Variants in B4GALT1 observed in about 807,000 individuals in gnomAD.
B4GALT1 encodes beta-1,4-galactosyltransferase 1.
Under a neutral mutation model 34.9 loss-of-function variants are expected in B4GALT1, and 16 were observed. The observed-to-expected ratio is 0.46, with a 90% CI of 0.31 to 0.70. The LOEUF is 0.70. Among genes scored for constraint, B4GALT1 ranks in the 30% least tolerant of loss-of-function variants. The pLI is 0.05. For missense variants in B4GALT1, 445 were observed against 530.5 expected, an observed-to-expected ratio of 0.84 and a Z score of 1.58; for synonymous variants, 221 against 218.1, an observed-to-expected ratio of 1.01 and a Z score of -0.12.
At chr9:33,150,829 G>A (rs1386904718) in intron 1 of B4GALT1, among the ~76,000 whole-genome samples, 5 of 152,146 alleles carry the variant, frequency 3.3e-5, no homozygotes, top group African/African-American at 7.2e-5. Context: ...CTATAAATAC[G>A]TTAGAATAGT....
rs1015710299 is a variant in B4GALT1, at chr9:33,139,842, G to A, written c.413-4418C>T. The stretch of plus-strand genomic sequence containing the variant: ...GCGCCCTTGCTGTGCGGCGCATGGC[G>A]TGTGCTACCACAGGCTCTCGGCCCC... On this transcript the variant is annotated intron_variant, in intron 1 of 5. Coordinates refer to ENST00000379731, the MANE Select transcript of B4GALT1 (RefSeq NM_001497.4). Among the ~76,000 whole-genome samples, 4 of 152,380 alleles carry A rather than the reference G, an allele frequency of 2.6e-5. No individual in the cohort carries two copies. The South Asian group carries it at 6.2e-4, about 24-fold the overall frequency.
Position 33,166,903 on chromosome 9 carries a change from G to A in B4GALT1, c.267C>T (p.Gly89=), listed in dbSNP as rs756925826. The change falls in exon 1 of 6, where the codon GGC becomes GGT. Residue 89 remains glycine, a synonymous_variant. Transcript: ENST00000379731. Reference sequence around the variant, plus strand: ...CACCCGGGCGCGGCTGGGAGGAGGCGCCTAGAGGAGGCGGCGGCCGGGCCC... The same window carrying A: ...CACCCGGGCGCGGCTGGGAGGAGGCACCTAGAGGAGGCGGCGGCCGGGCCC... ...TGGARPPPPL[G]ASSQPRPGGD... 7.0e-6 allele frequency: 11 copies of A among 1,580,604 alleles called. No homozygotes were observed. Among genetic ancestry groups the A allele is most frequent in the African/African-American group, 4.0e-5 (3 of 74,490 alleles).
intron 1 of B4GALT1, among the ~76,000 whole-genome samples, chr9:33,139,732 G>C (rs1587740101): frequency 6.6e-6 from 1 of 152,384 alleles, no homozygotes; most frequent in East Asian, 1.9e-4. Context: ...CCAGGTTTCA[G>C]AGCCACTGCC....
chr9:33,171,830 C>G (rs769871172), upstream of B4GALT1, among the ~76,000 whole-genome samples: 9 of 152,174 alleles, frequency 5.9e-5, no homozygotes, highest in African/African-American at 9.7e-5. Flanking sequence ...GCTGAGATTA[C>G]CAGCATGAGC....
At chr9:33,130,861 TGAA>T (rs1035831511) in intron 2 of B4GALT1, among the ~76,000 whole-genome samples, 3 of 151,828 alleles carry the variant, frequency 2.0e-5, no homozygotes, top group Admixed American at 6.6e-5. Context: ...GTGGGAGCCA[TGAA>T]GAATTCACCA....
downstream of B4GALT1, among the ~76,000 whole-genome samples, chr9:33,108,442 G>A (rs1417649699): frequency 1.3e-5 from 1 of 76,072 alleles, no homozygotes; most frequent in East Asian, 4.0e-4. Context: ...TTGAAACTCT[G>A]TCTCTAAAAA....
intron 1 of B4GALT1, among the ~76,000 whole-genome samples, chr9:33,153,313 T>C (rs963759179): frequency 9.2e-5 from 14 of 151,936 alleles, no homozygotes; most frequent in Admixed American, 3.9e-4. Flanking sequence ...AACCTAACCT[T>C]CTACCTTAAG....
intron 2 of B4GALT1, among the ~76,000 whole-genome samples, chr9:33,122,516 AAAT>A (rs1840036163): frequency 1.4e-5 from 1 of 73,696 alleles, no homozygotes; most frequent in African/African-American, 5.3e-5. Context: ...TCAAAAAAAT[AAAT>A]AAATAAATAA....
chr9:33,179,813 T>C, the B4GALT1 span: 2 of 152,284 alleles, frequency 1.3e-5, no homozygotes, highest in African/African-American at 2.4e-5. Context: ...AGCTTAGATA[T>C]GTTAAGTGCA....
At chr9:33,173,305 T>C in the B4GALT1 span, among the ~76,000 whole-genome samples, 1 of 151,136 alleles carries the variant, frequency 6.6e-6, no homozygotes, top group African/African-American at 2.4e-5. Flanking sequence ...CTCGGGAGGC[T>C]GAGGCAGGAG....
chr9:33,126,660 G>GTTGAT, intron 2 of B4GALT1, among the ~76,000 whole-genome samples: 1 of 150,330 alleles, frequency 6.7e-6, no homozygotes, highest in Non-Finnish European at 1.5e-5. Context: ...GTTAACCATA[G>GTTGAT]CAATATGGTA....
At chr9:33,115,839 G>C in intron 4 of B4GALT1, 152 bp downstream of exon 4, 2 of 966,884 alleles carry the variant, frequency 2.1e-6, no homozygotes, top group Admixed American at 3.8e-5. Context: ...TTTAGCACCT[G>C]CAGGACCTGT....
intron 1 of B4GALT1, among the ~76,000 whole-genome samples, chr9:33,149,784 G>A (rs879896963): frequency 6.6e-6 from 1 of 152,126 alleles, no homozygotes; most frequent in Admixed American, 6.6e-5. Context: ...AATCTGATCA[G>A]GAGGAAACAT....
chr9:33,151,860 T>C (rs1387966577), intron 1 of B4GALT1, among the ~76,000 whole-genome samples: 1 of 152,210 alleles, frequency 6.6e-6, no homozygotes, highest in African/African-American at 2.4e-5. Context: ...GAACAGAAAT[T>C]CTGTTCATCT....
At position 33,120,464 on chromosome 9, in the gene B4GALT1, G is replaced by T. The variant is rs780571650; in HGVS notation, c.791C>A (p.Ser264Ter). ...TGCAACGGAAATGTGCCGTGGCTGT[G>T]AAAAACACCTGTACGCATTATGGTC... is the stretch of plus-strand genomic sequence containing the variant. ...MNDHNAYRCF[S>*]QPRHISVAMD... is the part of the protein sequence containing the mutation. Residue 264 changes from serine (S) to a stop codon, truncating the protein, a stop_gained, in exon 3 of 6, where the codon TCA becomes TAA. Coordinates refer to ENST00000379731, the MANE Select transcript of B4GALT1 (RefSeq NM_001497.4). LOFTEE classifies it high-confidence loss of function. 21 of 1,613,886 alleles carry T rather than the reference G, an allele frequency of 1.3e-5. No homozygotes were observed. The highest frequency in any genetic ancestry group is 1.7e-5 in the Non-Finnish European group (20 of 1,180,052).
At chr9:33,154,706 C>T (rs1331904402) in intron 1 of B4GALT1, among the ~76,000 whole-genome samples, 1 of 152,192 alleles carries the variant, frequency 6.6e-6, no homozygotes, top group African/African-American at 2.4e-5. Context: ...CTTTTGATTT[C>T]CTGTTTAGAG....
upstream of B4GALT1, among the ~76,000 whole-genome samples, chr9:33,167,936 G>C (rs1417388741): frequency 6.6e-6 from 1 of 152,236 alleles, no homozygotes; most frequent in African/African-American, 2.4e-5. Flanking sequence ...GAAAGTGGAC[G>C]GGTTGCCACT....
chr9:33,144,050 T>C (rs1320631776), intron 1 of B4GALT1, among the ~76,000 whole-genome samples: 1 of 151,982 alleles, frequency 6.6e-6, no homozygotes, highest in African/African-American at 2.4e-5. Context: ...TCAGCTAATT[T>C]TTAAATTTTT....
chr9:33,157,121 T>TACACAC (rs199541947), intron 1 of B4GALT1, among the ~76,000 whole-genome samples: 15,035 of 113,138 alleles, frequency 0.13, 1,753 homozygotes, highest in East Asian at 0.4. Context: ...CATAGGGAAC[T>TACACAC]ACACACACAC....
Sources: gnomAD v4.1 joint callset for allele counts (sites outside exome capture counted in the v4.1 genomes callset) on GRCh38, gnomAD v4.1.1 for gene constraint, MANE v1.5 for transcripts, NCBI Gene and HGNC (gene_info 2026-07-23, HGNC 2026-07-21) for gene names.